Variants in CTNNA2 observed in about 807,000 individuals in gnomAD.
CTNNA2 encodes the protein catenin alpha 2.
CTNNA2 carries 42 observed loss-of-function variants against 101.0 expected under a neutral mutation model. The observed-to-expected ratio is 0.42, with a 90% CI of 0.32 to 0.54. The LOEUF (loss-of-function observed/expected upper bound fraction) is 0.54, where lower values mean the gene tolerates loss of function less well. CTNNA2 is among the 20% of genes least tolerant of loss of function. The pLI, the probability that CTNNA2 is intolerant of heterozygous loss-of-function variation, is 0.14. For missense variants in CTNNA2, 871 were observed against 1,223.1 expected (o/e 0.71, Z 4.29); for synonymous variants, 450 against 456.4 (o/e 0.99, Z 0.18).
chr2:79,588,603 T>C (rs1439997789), intron 1 of CTNNA2, among the ~76,000 whole-genome samples: 1 of 152,174 alleles, frequency 6.6e-6, no homozygotes, highest in Admixed American at 6.5e-5. Flanking sequence ...AAATAAGTTT[T>C]CTGGTAAAGT....
chr2:79,212,510 A>C (rs1053578707), intron 2 of CTNNA2, among the ~76,000 whole-genome samples: 18 of 152,196 alleles, frequency 1.2e-4, no homozygotes, highest in Non-Finnish European at 2.1e-4. Context: ...TTTTTAAAAG[A>C]CCAATAGTAC....
chr2:79,608,750 C>T (rs1678069894), intron 1 of CTNNA2, among the ~76,000 whole-genome samples: 1 of 152,012 alleles, frequency 6.6e-6, no homozygotes, highest in African/African-American at 2.4e-5. Context: ...GAGGGAACTT[C>T]TTCAACCAAT....
At chr2:79,934,363 A>G (rs564646796) in intron 7 of CTNNA2, among the ~76,000 whole-genome samples, 1 of 152,372 alleles carries the variant, frequency 6.6e-6, no homozygotes, top group South Asian at 2.1e-4. Flanking sequence ...ACTAATAGCA[A>G]TAATAATTTG....
At chr2:79,307,815 A>G (rs1284934172) in intron 2 of CTNNA2, among the ~76,000 whole-genome samples, 1 of 152,162 alleles carries the variant, frequency 6.6e-6, no homozygotes, top group Non-Finnish European at 1.5e-5. Context: ...ATCATGACTT[A>G]ACTAGTTTAA....
intron 2 of CTNNA2, among the ~76,000 whole-genome samples, chr2:79,296,805 A>T (rs1558612290): frequency 6.6e-6 from 1 of 152,092 alleles, no homozygotes; most frequent in Non-Finnish European, 1.5e-5. Context: ...GGAAGCTTGC[A>T]TGGGTTTTAA....
intron 7 of CTNNA2, among the ~76,000 whole-genome samples, chr2:80,280,699 C>G (rs1025123537): frequency 7.9e-5 from 12 of 152,070 alleles, no homozygotes; most frequent in South Asian, 2.1e-4. Context: ...CAGAAATAAA[C>G]AACGCATAAG....
chr2:80,145,664 A>T (rs899380319), intron 7 of CTNNA2, among the ~76,000 whole-genome samples: 4 of 152,232 alleles, frequency 2.6e-5, no homozygotes, highest in Admixed American at 2.0e-4. Context: ...AAGTTGGGAC[A>T]TCTTGTTTCA....
At chr2:79,257,299 A>G (rs1674860476) in intron 2 of CTNNA2, among the ~76,000 whole-genome samples, 2 of 152,020 alleles carry the variant, frequency 1.3e-5, no homozygotes, top group South Asian at 4.1e-4. Context: ...ACTGTGCCCA[A>G]TCAACACCAG....
chr2:79,415,809 A>G (rs894494082), intron 4 of CTNNA2, among the ~76,000 whole-genome samples: 24 of 152,094 alleles, frequency 1.6e-4, no homozygotes, highest in Non-Finnish European at 2.6e-4. Context: ...GCATAGGTCT[A>G]TCTGTTCTTA....
chr2:80,627,673 T>A (rs980155737), intron 18 of CTNNA2, among the ~76,000 whole-genome samples: 1 of 152,174 alleles, frequency 6.6e-6, no homozygotes, highest in Admixed American at 6.6e-5. Context: ...TTCACTCTGA[T>A]GATAGTTTCC....
chr2:80,096,509 G>A (rs984299271), intron 7 of CTNNA2, among the ~76,000 whole-genome samples: 1 of 152,190 alleles, frequency 6.6e-6, no homozygotes, highest in African/African-American at 2.4e-5. Flanking sequence ...TTCTGTAGAT[G>A]TCTGTATTAG....
At chr2:80,477,064 T>G (rs72914985) in intron 9 of CTNNA2, among the ~76,000 whole-genome samples, 11,576 of 152,232 alleles carry the variant, frequency 0.076, 1,436 homozygotes, top group African/African-American at 0.26. Context: ...ATTTGTAAAA[T>G]GACTGGCCTA....
chr2:79,784,962 T>C (rs1668360460), intron 3 of CTNNA2, among the ~76,000 whole-genome samples: 1 of 152,186 alleles, frequency 6.6e-6, no homozygotes, highest in African/African-American at 2.4e-5. Context: ...AGATGTTTAC[T>C]TGGTCAAAAT....
chr2:79,315,140 C>T (rs1195801085), intron 3 of CTNNA2, among the ~76,000 whole-genome samples: 2 of 152,020 alleles, frequency 1.3e-5, no homozygotes, highest in Admixed American at 1.3e-4. Context: ...TTTCTTCTGA[C>T]CTTCAATGGT....
chr2:79,447,018 C>T (rs1573170160), intron 4 of CTNNA2, among the ~76,000 whole-genome samples: 1 of 151,902 alleles, frequency 6.6e-6, no homozygotes, highest in South Asian at 2.1e-4. Flanking sequence ...TATAGATGTA[C>T]AGTTCCAAAT....
At chr2:79,590,435 GAT>G (rs1676770879) in intron 1 of CTNNA2, among the ~76,000 whole-genome samples, 1 of 152,128 alleles carries the variant, frequency 6.6e-6, no homozygotes, top group East Asian at 1.9e-4. Context: ...GGAGCCATGT[GAT>G]ACTTTCTAAG....
At chr2:79,405,602 A>T (rs1388705642) in intron 4 of CTNNA2, among the ~76,000 whole-genome samples, 1 of 152,086 alleles carries the variant, frequency 6.6e-6, no homozygotes, top group African/African-American at 2.4e-5. Flanking sequence ...CTGGGATTAC[A>T]GGTCCTAGCC....
intron 3 of CTNNA2, among the ~76,000 whole-genome samples, chr2:79,793,143 TGAA>T (rs1372793789): frequency 6.6e-6 from 1 of 152,092 alleles, no homozygotes; most frequent in African/African-American, 2.4e-5. Context: ...TGGAAGGTGA[TGAA>T]GGAAAAAAGA....
At chr2:79,903,907 C>T (rs988047570) in intron 6 of CTNNA2, among the ~76,000 whole-genome samples, 2 of 152,174 alleles carry the variant, frequency 1.3e-5, no homozygotes, top group African/African-American at 2.4e-5. Flanking sequence ...ACTACAGGTG[C>T]AGCAGATGGA....
Sources: gnomAD v4.1 joint callset for allele counts (sites outside exome capture counted in the v4.1 genomes callset) on GRCh38, gnomAD v4.1.1 for gene constraint, MANE v1.5 for transcripts, NCBI Gene and HGNC (gene_info 2026-07-23, HGNC 2026-07-21) for gene names.